Variants in DEK observed in about 807,000 individuals in gnomAD.
DEK encodes protein DEK.
DEK carries 28 observed loss-of-function variants against 46.8 expected under a neutral mutation model. That is an observed-to-expected ratio of 0.60 (90% CI 0.44 to 0.82). DEK has a LOEUF of 0.82. DEK is among the 40% of genes least tolerant of loss of function. The pLI is 0.00. For synonymous variants in DEK, 160 were observed against 144.5 expected, an observed-to-expected ratio of 1.11 and a Z score of -0.77; for missense variants, 416 against 430.6, an observed-to-expected ratio of 0.97 and a Z score of 0.30.
At chr6:18,229,476 T>C (rs1790304934) in intron 9 of DEK, among the ~76,000 whole-genome samples, 1 of 152,044 alleles carries the variant, frequency 6.6e-6, no homozygotes, top group African/African-American at 2.4e-5. Flanking sequence ...GCTAAAAACC[T>C]TGAAAAAAGA....
In DEK at chr6:18,227,582, G is replaced by A. The variant is rs1200889115; in HGVS notation, c.1048-1340C>T. On this transcript the variant is annotated intron_variant, in intron 9 of 10. Coordinates refer to ENST00000652689, the MANE Select transcript of DEK (RefSeq NM_003472.4). ...CGGATCCTCCGTATACTGAACGCTG[G>A]TCCCCTGAGTCCCCTTATTTCTTTC... Among the ~76,000 whole-genome samples the A allele has an allele frequency of 2.0e-5, 3 of 152,042 alleles. No homozygotes were observed. The East Asian group carries it at 5.8e-4, about 30-fold the overall frequency.
Position 18,237,532 on chromosome 6 carries a change from G to A in DEK, c.763-16C>T, listed in dbSNP as rs1362508770. Reference sequence around the variant, plus strand: ...TTTTTGGTGGCTGTTACAAAAGAAAGTAAAAGTACACATATTGATGAGATT... The same window carrying A: ...TTTTTGGTGGCTGTTACAAAAGAAAATAAAAGTACACATATTGATGAGATT... On this transcript the variant is annotated splice_polypyrimidine_tract_variant and intron_variant, in intron 7 of 10. Coordinates refer to ENST00000652689, the MANE Select transcript of DEK (RefSeq NM_003472.4). The A allele has an allele frequency of 1.9e-6, 3 of 1,595,724 alleles. No individual in the cohort carries two copies. The highest frequency in any genetic ancestry group is 2.6e-6 in the Non-Finnish European group (3 of 1,174,882).
Position 18,245,232 on chromosome 6 carries a change from A to C in DEK, c.762+4419T>G, listed in dbSNP as rs550999359. On this transcript the variant is annotated intron_variant, in intron 7 of 10. Coordinates refer to ENST00000652689, the MANE Select transcript of DEK (RefSeq NM_003472.4). ...ATCTGGAACATGAATACAATGTCTA[A>C]AGGTAAAACAACCACCTTGTGATCA... Among the ~76,000 whole-genome samples, 25 of 152,338 alleles carry C rather than the reference A, an allele frequency of 1.6e-4. No individual in the cohort carries two copies. The East Asian group carries it at 4.4e-3, about 27-fold the overall frequency.
intron 3 of DEK, 41 bp downstream of exon 3, chr6:18,258,263 C>G: frequency 2.0e-6 from 3 of 1,517,536 alleles, no homozygotes; most frequent in South Asian, 2.4e-5. Flanking sequence ...CAAATTTAGG[C>G]ACTTTCACCA....
chr6:18,238,638 A>G (rs527258776), intron 7 of DEK, among the ~76,000 whole-genome samples: 44 of 150,710 alleles, frequency 2.9e-4, no homozygotes, highest in Admixed American at 2.0e-4. Context: ...TGGAGGTTGC[A>G]GTGAGTGGAG....
chr6:18,242,573 C>T (rs1790936463), intron 7 of DEK, among the ~76,000 whole-genome samples: 1 of 152,156 alleles, frequency 6.6e-6, no homozygotes, highest in African/African-American at 2.4e-5. Context: ...GGATGTGAAT[C>T]ATCCCTTTGT....
chr6:18,250,190 T>C (rs148572542), intron 6 of DEK, among the ~76,000 whole-genome samples: 6 of 152,306 alleles, frequency 3.9e-5, no homozygotes, highest in Non-Finnish European at 7.3e-5. Flanking sequence ...ATTTCATCCC[T>C]ACAAGCATTA....
At chr6:18,253,200 A>C (rs930911027) in intron 6 of DEK, among the ~76,000 whole-genome samples, 1 of 151,798 alleles carries the variant, frequency 6.6e-6, no homozygotes, top group Admixed American at 6.6e-5. Context: ...CCCAGAGAAC[A>C]CCACTTTTTA....
At chr6:18,248,501 A>G (rs1371058856) in intron 7 of DEK, among the ~76,000 whole-genome samples, 2 of 152,140 alleles carry the variant, frequency 1.3e-5, no homozygotes, top group African/African-American at 2.4e-5. Context: ...TAATGCTCAG[A>G]TTACTTATTT....
Position 18,236,618 on chromosome 6 carries a change from A to G in DEK, c.899-18T>C, listed in dbSNP as rs751844224. ...CTCACTTTCTAAAAGTAATATAATA[A>G]TAATAATTTTTCTTACATAGTAAAT... On this transcript the variant is annotated intron_variant, in intron 8 of 10. Coordinates refer to ENST00000652689, the MANE Select transcript of DEK (RefSeq NM_003472.4). The G allele has an allele frequency of 2.9e-6, 4 of 1,395,032 alleles. No individual in the cohort carries two copies. The highest frequency in any genetic ancestry group is 2.8e-5 in the East Asian group (1 of 36,244). 86.4% of individuals were successfully genotyped at this position (1,395,032 alleles called of 1,614,324 possible).
intron 7 of DEK, among the ~76,000 whole-genome samples, chr6:18,240,218 T>C (rs1790842615): frequency 6.6e-6 from 1 of 152,192 alleles, no homozygotes; most frequent in Non-Finnish European, 1.5e-5. Flanking sequence ...CTCCATAAAA[T>C]CTTACTTCTG....
chr6:18,245,572 T>C (rs2151086549), intron 7 of DEK, among the ~76,000 whole-genome samples: 1 of 151,324 alleles, frequency 6.6e-6, no homozygotes, highest in South Asian at 2.1e-4. Flanking sequence ...AAGACAGAGG[T>C]ATTAGGATAA....
At chr6:18,236,794 A>G (rs886910476) in intron 8 of DEK, among the ~76,000 whole-genome samples, 194 bp from the exon 9 acceptor site, 2 of 152,216 alleles carry the variant, frequency 1.3e-5, no homozygotes, top group Non-Finnish European at 2.9e-5. Context: ...AAACTATAAA[A>G]AACTGGTATA....
At chr6:18,255,470 T>A (rs1791558587) in intron 6 of DEK, among the ~76,000 whole-genome samples, 1 of 152,242 alleles carries the variant, frequency 6.6e-6, no homozygotes, top group Admixed American at 6.5e-5. Context: ...CCCTGACTAC[T>A]AGTACTTTCT....
chr6:18,234,414 A>G (rs1038784972), intron 9 of DEK, among the ~76,000 whole-genome samples: 2 of 152,086 alleles, frequency 1.3e-5, no homozygotes, highest in Non-Finnish European at 2.9e-5. Context: ...AATTGGTCTA[A>G]CCACTCATTT....
At chr6:18,260,899 T>C (rs112528275) in intron 2 of DEK, among the ~76,000 whole-genome samples, 7 of 151,596 alleles carry the variant, frequency 4.6e-5, no homozygotes, top group South Asian at 4.2e-4. Context: ...GGTGAGAGGA[T>C]TGCTTGAGCC....
In DEK at chr6:18,256,438, C is replaced by T. The variant is rs374996276; in HGVS notation, c.375G>A (p.Lys125=). The change falls in exon 5 of 11, where the codon AAG becomes AAA. Residue 125 remains lysine, a synonymous_variant. Coordinates refer to ENST00000652689, the MANE Select transcript of DEK (RefSeq NM_003472.4). ...NRPGTVSSLK[K]NVGQFSGFPF... The stretch of plus-strand genomic sequence containing the variant: ...GAAAGCCACTGAACTGACCCACATT[C>T]TTCTTTAATGAGGACACCTGAAAAT... 6 of 1,612,438 alleles carry T rather than the reference C, an allele frequency of 3.7e-6. No individual in the cohort carries two copies. In the African/African-American group the frequency reaches 6.7e-5, roughly 18 times the overall value.
intron 7 of DEK, among the ~76,000 whole-genome samples, chr6:18,249,117 T>C (rs1055251487): frequency 1.3e-5 from 2 of 152,262 alleles, no homozygotes; most frequent in African/African-American, 4.8e-5. Context: ...GTCTCAACTT[T>C]TACAAATACT....
intron 9 of DEK, among the ~76,000 whole-genome samples, chr6:18,232,073 C>T (rs540182205): frequency 1.3e-4 from 20 of 152,130 alleles, no homozygotes; most frequent in Non-Finnish European, 2.5e-4. Context: ...CGCAAATCAA[C>T]AAACGTAATC....
Sources: gnomAD v4.1 joint callset for allele counts (sites outside exome capture counted in the v4.1 genomes callset) on GRCh38, gnomAD v4.1.1 for gene constraint, MANE v1.5 for transcripts, NCBI Gene and HGNC (gene_info 2026-07-23, HGNC 2026-07-21) for gene names.